QKI: variants seen among roughly 807,000 people sequenced by gnomAD.
The protein encoded by QKI is QKI, KH domain containing RNA binding, also known as KH domain-containing RNA-binding protein QKI.
A neutral mutation model predicts 39.0 loss-of-function variants in QKI; 10 were observed. The ratio of observed to expected loss-of-function variants is 0.26; its 90% CI spans 0.16 to 0.43. The LOEUF (loss-of-function observed/expected upper bound fraction) is 0.43, where lower values mean the gene tolerates loss of function less well. QKI is among the 20% of genes least tolerant of loss of function. QKI has a pLI of 1.00. For missense variants in QKI, 218 were observed against 428.0 expected (o/e 0.51, Z 4.33); for synonymous variants, 204 against 155.4 (o/e 1.31, Z -2.33).
At chr6:163,442,472 A>G (rs1789832842) in intron 1 of QKI, among the ~76,000 whole-genome samples, 1 of 152,200 alleles carries the variant, frequency 6.6e-6, no homozygotes, top group South Asian at 2.1e-4. Context: ...CAGCAGGCTA[A>G]CTCCAAAGAA....
chr6:163,478,646 T>C lies in QKI; in HGVS notation c.286-134T>C, dbSNP rs1792815207. ...GACTTAGCAAGAAATTCATAAGGGC[T>C]CTAGATTTTATTTCAACTTAGTATT... is the stretch of plus-strand genomic sequence containing the variant. On this transcript the variant is annotated intron_variant, in intron 2 of 7. Transcript: ENST00000361752. 4 of 627,562 alleles carry C rather than the reference T, an allele frequency of 6.4e-6. No individual in the cohort carries two copies. In the East Asian group the frequency reaches 1.1e-4, roughly 18 times the overall value. 38.9% of individuals were successfully genotyped at this position (627,562 alleles called of 1,614,324 possible).
intron 1 of QKI, among the ~76,000 whole-genome samples, chr6:163,448,730 T>C (rs908503173): frequency 6.6e-6 from 1 of 151,850 alleles, no homozygotes; most frequent in Non-Finnish European, 1.5e-5. Flanking sequence ...AGAGTGAAAC[T>C]CCATCTCAAA....
At position 163,563,520 on chromosome 6, in the gene QKI, G is replaced by T. The variant is rs150176755; in HGVS notation, c.735G>T (p.Thr245=). 1 of 1,614,002 alleles carries T rather than the reference G, an allele frequency of 6.2e-7. No individual in the cohort carries two copies. The highest frequency in any genetic ancestry group is 1.3e-5 in the African/African-American group (1 of 74,908). ...VLPPAALRTP[T]PAGPTIMPLI... Reference sequence around the variant, plus strand: ...CACCAGCTGCCCTGCGTACTCCTACGCCAGCTGGCCCTACCATAATGCCTT... The same window carrying T: ...CACCAGCTGCCCTGCGTACTCCTACTCCAGCTGGCCCTACCATAATGCCTT... The change falls in exon 6 of 8, where the codon ACG becomes ACT. Residue 245 remains threonine (T), a synonymous_variant. Transcript: ENST00000361752.
chr6:163,545,779 G>A (rs557078000), intron 4 of QKI, among the ~76,000 whole-genome samples: 33 of 151,824 alleles, frequency 2.2e-4, no homozygotes, highest in African/African-American at 6.5e-4. Context: ...AATTTTAGGC[G>A]TTGCAAATGT....
intron 2 of QKI, among the ~76,000 whole-genome samples, chr6:163,458,022 C>T (rs1302953493): frequency 1.3e-5 from 2 of 152,060 alleles, no homozygotes; most frequent in African/African-American, 4.8e-5. Flanking sequence ...ACATTCTAGG[C>T]AGAGTGAACA....
chr6:163,415,423 T>A, intron 1 of QKI, 88 bp downstream of exon 1: 8 of 1,001,976 alleles, frequency 8.0e-6, no homozygotes, highest in Non-Finnish European at 9.6e-6. Context: ...GGCGGGAAGG[T>A]CACGGCCGGG....
At position 163,498,382 on chromosome 6, in the gene QKI, A is replaced by G. The variant is rs929559802; in HGVS notation, c.402+19486A>G. Reference sequence around the variant, plus strand: ...ATTTGAAGAAATAAAAGTTTGGACAAATAATTCCTGTTTGTAATTTTATGT... The same window carrying G: ...ATTTGAAGAAATAAAAGTTTGGACAGATAATTCCTGTTTGTAATTTTATGT... On this transcript the variant is annotated intron_variant, in intron 3 of 7. Coordinates refer to ENST00000361752, the MANE Select transcript of QKI (RefSeq NM_006775.3). Among the ~76,000 whole-genome samples, 6 of 152,174 alleles carry G rather than the reference A, an allele frequency of 3.9e-5. No homozygotes were observed. The East Asian group carries it at 9.6e-4, about 24-fold the overall frequency.
rs1582943906 is a variant in QKI, at chr6:163,417,506, A to G, written c.142+2171A>G. ...GCTTTTATGTTGATCTAAAATCTCT[A>G]AATTTAGAGCTGATTCCTTGTTATC... On this transcript the variant is annotated intron_variant, in intron 1 of 7. Transcript: ENST00000361752. Among the ~76,000 whole-genome samples the G allele has an allele frequency of 2.6e-5, 4 of 152,298 alleles. No individual in the cohort carries two copies. In the South Asian group the frequency reaches 6.2e-4, roughly 24 times the overall value.
intron 3 of QKI, among the ~76,000 whole-genome samples, chr6:163,526,356 A>G (rs1245910347): frequency 6.6e-6 from 1 of 152,198 alleles, no homozygotes; most frequent in African/African-American, 2.4e-5. Context: ...CAATTATTTC[A>G]TTTTTCTGTG....
At chr6:163,565,997 C>G in intron 6 of QKI, 1 of 1,611,606 alleles carries the variant, frequency 6.2e-7, no homozygotes, top group Non-Finnish European at 8.5e-7. Flanking sequence ...CTTAACTGAA[C>G]CCTCATCAGA....
intron 1 of QKI, among the ~76,000 whole-genome samples, chr6:163,432,342 C>T (rs1788897026): frequency 1.3e-5 from 2 of 151,918 alleles, no homozygotes; most frequent in Admixed American, 1.3e-4. Context: ...GAATATTTGC[C>T]TAAGGGTTTT....
chr6:163,438,713 T>C (rs1562433821), intron 1 of QKI, among the ~76,000 whole-genome samples: 2 of 151,968 alleles, frequency 1.3e-5, no homozygotes, highest in South Asian at 2.1e-4. Flanking sequence ...CTTGCAGGAC[T>C]GGAAGTTGCT....
intron 7 of QKI, chr6:163,570,318 C>G: frequency 1.0e-6 from 1 of 982,280 alleles, no homozygotes; most frequent in Non-Finnish European, 1.2e-6. Flanking sequence ...ATACTGATAA[C>G]TGCACTGACT....
At chr6:163,478,366 T>G (rs1196205765) in intron 2 of QKI, among the ~76,000 whole-genome samples, 1 of 152,196 alleles carries the variant, frequency 6.6e-6, no homozygotes, top group Non-Finnish European at 1.5e-5. Flanking sequence ...CCAAAGGATT[T>G]TGGTAGAAAG....
At chr6:163,506,491 T>A (rs1191326349) in intron 3 of QKI, among the ~76,000 whole-genome samples, 1 of 152,192 alleles carries the variant, frequency 6.6e-6, no homozygotes, top group Non-Finnish European at 1.5e-5. Context: ...TCACATGATT[T>A]GTGATATCTG....
chr6:163,424,144 G>A (rs1788216541), intron 1 of QKI, among the ~76,000 whole-genome samples: 1 of 152,056 alleles, frequency 6.6e-6, no homozygotes, highest in Non-Finnish European at 1.5e-5. Context: ...CTATGTTACA[G>A]CAATTATATC....
At chr6:163,565,348 G>A (rs1221437258) in intron 6 of QKI, 1 of 986,062 alleles carries the variant, frequency 1.0e-6, no homozygotes, top group Non-Finnish European at 1.2e-6. Flanking sequence ...GCAGGGCTGG[G>A]GCTCTTAGCC....
At chr6:163,520,931 AT>A in intron 3 of QKI, among the ~76,000 whole-genome samples, 1 of 152,270 alleles carries the variant, frequency 6.6e-6, no homozygotes, top group East Asian at 1.9e-4. Context: ...TAGGATTATT[AT>A]GGGTTTTGGA....
At chr6:163,513,491 A>G (rs1034244333) in intron 3 of QKI, among the ~76,000 whole-genome samples, 1 of 152,320 alleles carries the variant, frequency 6.6e-6, no homozygotes, top group Admixed American at 6.5e-5. Context: ...TCGTCCTGTC[A>G]TTTCATTGTA....
Sources: gnomAD v4.1 joint callset for allele counts (sites outside exome capture counted in the v4.1 genomes callset) on GRCh38, gnomAD v4.1.1 for gene constraint, MANE v1.5 for transcripts, NCBI Gene and HGNC (gene_info 2026-07-23, HGNC 2026-07-21) for gene names.